The following KIF6 variants were observed in gnomAD, a reference collection of about 807,000 sequenced individuals.
KIF6 encodes kinesin family member 6.
A neutral mutation model predicts 112.7 loss-of-function variants in KIF6; 106 were observed. That is an observed-to-expected ratio of 0.94 (90% CI 0.80 to 1.11). The LOEUF (loss-of-function observed/expected upper bound fraction) is 1.11. KIF6 is among the 50% of genes least tolerant of loss of function. KIF6 has a pLI of 0.00. For missense variants in KIF6, 929 were observed against 964.0 expected (o/e 0.96, Z 0.48); for synonymous variants, 339 against 339.9 (o/e 1.00, Z 0.03).
chr6:39,397,876 C>G (rs1217978194), intron 15 of KIF6, among the ~76,000 whole-genome samples: 1 of 152,056 alleles, frequency 6.6e-6, no homozygotes, highest in Non-Finnish European at 1.5e-5. Context: ...GGGGAGTCAA[C>G]AATTCCAAGG....
intron 16 of KIF6, among the ~76,000 whole-genome samples, chr6:39,370,778 C>A (rs1312068414): frequency 6.6e-6 from 1 of 151,898 alleles, no homozygotes. Context: ...CCCGAGAGAC[C>A]ACGCAGAAAG....
At chr6:39,433,013 G>T (rs1388824460) in intron 13 of KIF6, among the ~76,000 whole-genome samples, 3 of 152,136 alleles carry the variant, frequency 2.0e-5, no homozygotes, top group Non-Finnish European at 4.4e-5. Flanking sequence ...GTGAAAGCTT[G>T]CTTAAGCTGC....
chr6:39,596,765 G>T (rs928998085), intron 6 of KIF6, among the ~76,000 whole-genome samples: 1 of 152,062 alleles, frequency 6.6e-6, no homozygotes, highest in African/African-American at 2.4e-5. Flanking sequence ...AGGCATAATA[G>T]TAGGAAAAGA....
intron 15 of KIF6, among the ~76,000 whole-genome samples, chr6:39,404,502 C>T (rs565932483): frequency 9.9e-5 from 15 of 152,186 alleles, no homozygotes; most frequent in Non-Finnish European, 1.8e-4. Context: ...TGTTTTTGGA[C>T]TCTGTATCCT....
intron 5 of KIF6, among the ~76,000 whole-genome samples, chr6:39,617,237 GTGTTTT>G (rs539196792): frequency 2.8e-3 from 424 of 152,226 alleles, no homozygotes; most frequent in Non-Finnish European, 5.2e-3. Context: ...AGCAAGCTTT[GTGTTTT>G]CTCTGTAAAC....
At chr6:39,353,671 C>T (rs1220009707) in intron 19 of KIF6, 1 of 163,372 alleles carries the variant, frequency 6.1e-6, no homozygotes, top group Non-Finnish European at 1.3e-5. Context: ...AGTTATTGAC[C>T]CTGGGCTCAG....
chr6:39,582,793 A>G (rs1403398265), intron 9 of KIF6, among the ~76,000 whole-genome samples: 1 of 152,232 alleles, frequency 6.6e-6, no homozygotes, highest in Non-Finnish European at 1.5e-5. Context: ...TTTTAAAAGT[A>G]AGACATAGGA....
intron 3 of KIF6, among the ~76,000 whole-genome samples, chr6:39,686,955 A>G (rs973653111): frequency 3.3e-5 from 5 of 152,198 alleles, no homozygotes; most frequent in African/African-American, 1.2e-4. Context: ...TTTTATTTTT[A>G]GTATTTTAGC....
At chr6:39,668,181 T>C (rs62403334) in intron 3 of KIF6, among the ~76,000 whole-genome samples, 11,042 of 152,262 alleles carry the variant, frequency 0.073, 542 homozygotes, top group South Asian at 0.17. Flanking sequence ...TCTTTATTAA[T>C]TGCTTAGCCT....
At chr6:39,519,949 G>C (rs139099940) in intron 13 of KIF6, among the ~76,000 whole-genome samples, 1,902 of 152,252 alleles carry the variant, frequency 0.012, 23 homozygotes, top group Non-Finnish European at 0.022. Flanking sequence ...TTGAACCCGG[G>C]GGGCAGAGGT....
chr6:39,447,458 A>G (rs1055001791), intron 13 of KIF6, among the ~76,000 whole-genome samples: 1 of 152,192 alleles, frequency 6.6e-6, no homozygotes, highest in Non-Finnish European at 1.5e-5. Context: ...GCACAAAGTC[A>G]TATTTTAAAA....
intron 13 of KIF6, among the ~76,000 whole-genome samples, chr6:39,444,876 G>T (rs1411201702): frequency 2.0e-5 from 3 of 151,958 alleles, no homozygotes; most frequent in Non-Finnish European, 4.4e-5. Context: ...GCTGGAACGT[G>T]GACCAAAACC....
intron 22 of KIF6, among the ~76,000 whole-genome samples, chr6:39,339,718 T>C (rs1298669567): frequency 1.3e-5 from 2 of 151,692 alleles, no homozygotes; most frequent in Admixed American, 1.3e-4. Flanking sequence ...ACTCCACGGA[T>C]GACTGATGCC....
At chr6:39,530,098 C>G (rs773102070) in intron 13 of KIF6, among the ~76,000 whole-genome samples, 1 of 152,214 alleles carries the variant, frequency 6.6e-6, no homozygotes, top group Non-Finnish European at 1.5e-5. Flanking sequence ...AAACCAGAGA[C>G]CCATTCTCCG....
intron 9 of KIF6, 70 bp from the exon 10 acceptor site, chr6:39,578,229 C>T (rs1781084421): frequency 2.0e-6 from 2 of 988,768 alleles, no homozygotes; most frequent in Non-Finnish European, 3.2e-6. Flanking sequence ...AGAGAACATA[C>T]AGCTCTTAAA....
chr6:39,678,716 T>G (rs549708890), intron 3 of KIF6, among the ~76,000 whole-genome samples: 1 of 152,296 alleles, frequency 6.6e-6, no homozygotes, highest in East Asian at 1.9e-4. Flanking sequence ...TTAGACCCCC[T>G]CATCAACTTG....
At position 39,526,656 on chromosome 6, in the gene KIF6, C is replaced by T. The variant is rs140297172; in HGVS notation, c.1645+13347G>A. Among the ~76,000 whole-genome samples the T allele has an allele frequency of 1.9e-3, 296 of 152,342 alleles. 1 individual carries two copies. Among genetic ancestry groups the T allele is most frequent in the Non-Finnish European group, 3.1e-3 (213 of 68,038 alleles). On this transcript the variant is annotated intron_variant, in intron 13 of 22. Coordinates refer to ENST00000287152, the MANE Select transcript of KIF6 (RefSeq NM_145027.6). ...TATCATTTATTCATTTCATCCAAGC[C>T]ATATAGCCTTCAAATAGGCAGGATA...
intron 10 of KIF6, among the ~76,000 whole-genome samples, chr6:39,550,398 G>T (rs981069120): frequency 3.9e-5 from 6 of 151,936 alleles, no homozygotes; most frequent in African/African-American, 1.5e-4. Context: ...GTGTGCCCCA[G>T]GAGTGGGAGG....
chr6:39,437,415 T>C (rs1199328671), intron 13 of KIF6, among the ~76,000 whole-genome samples: 4 of 152,242 alleles, frequency 2.6e-5, no homozygotes, highest in East Asian at 3.8e-4. Flanking sequence ...GTACTTGGCA[T>C]ACAAGAGCAC....
Sources: gnomAD v4.1 joint callset for allele counts (sites outside exome capture counted in the v4.1 genomes callset) on GRCh38, gnomAD v4.1.1 for gene constraint, MANE v1.5 for transcripts, NCBI Gene and HGNC (gene_info 2026-07-23, HGNC 2026-07-21) for gene names.